Variants in FAM13B observed in about 807,000 individuals in gnomAD.
FAM13B encodes family with sequence similarity 13 member B.
FAM13B carries 60 observed loss-of-function variants against 117.3 expected under a neutral mutation model. That is an observed-to-expected ratio of 0.51 (90% CI 0.42 to 0.63). The LOEUF is 0.63. Among genes scored for constraint, FAM13B ranks in the 30% least tolerant of loss-of-function variants. The probability of loss-of-function intolerance (pLI) is 0.00; values close to 1 mark genes in which losing one functional copy is unlikely to be tolerated. For synonymous variants in FAM13B, 332 were observed against 356.1 expected, an observed-to-expected ratio of 0.93 and a Z score of 0.76; for missense variants, 972 against 1,091.9, an observed-to-expected ratio of 0.89 and a Z score of 1.55.
At chr5:138,003,681 C>A (rs1561517536) in intron 7 of FAM13B, among the ~76,000 whole-genome samples, 1 of 152,160 alleles carries the variant, frequency 6.6e-6, no homozygotes, top group Non-Finnish European at 1.5e-5. Flanking sequence ...CAGTTCCACG[C>A]TGGCCATGGG....
At chr5:137,966,021 C>T (rs1426618236) in intron 10 of FAM13B, among the ~76,000 whole-genome samples, 1 of 151,624 alleles carries the variant, frequency 6.6e-6, no homozygotes, top group Non-Finnish European at 1.5e-5. Flanking sequence ...CAACTTATAC[C>T]TATTCAAAAT....
intron 17 of FAM13B, among the ~76,000 whole-genome samples, chr5:137,951,209 CAAA>C (rs1158310740): frequency 4.8e-3 from 304 of 63,234 alleles, no homozygotes; most frequent in Middle Eastern, 0.018. Flanking sequence ...CTGTCTCAAA[CAAA>C]AAAAAAAAAA....
At chr5:137,955,723 C>CT (rs1379819957) in intron 14 of FAM13B, among the ~76,000 whole-genome samples, 1 of 152,118 alleles carries the variant, frequency 6.6e-6, no homozygotes, top group Non-Finnish European at 1.5e-5. Flanking sequence ...CCTCTGCCTC[C>CT]TGGGTTCAAG....
At chr5:137,943,352 T>C (rs879217690) in intron 20 of FAM13B, 136 bp from the exon 21 acceptor site, 14 of 654,662 alleles carry the variant, frequency 2.1e-5, no homozygotes, top group East Asian at 1.1e-4. Flanking sequence ...TTTTTAGGAA[T>C]TGCTTACATT....
chr5:137,958,881 G>A (rs1423278091), intron 13 of FAM13B, among the ~76,000 whole-genome samples: 1 of 151,860 alleles, frequency 6.6e-6, no homozygotes, highest in Non-Finnish European at 1.5e-5. Flanking sequence ...TTTTTTTCAT[G>A]GATTTCAGAG....
chr5:137,992,529 G>C (rs1303440481), intron 7 of FAM13B, among the ~76,000 whole-genome samples: 1 of 152,090 alleles, frequency 6.6e-6, no homozygotes, highest in South Asian at 2.1e-4. Context: ...GGGAGGAAGA[G>C]GTTGTGGTGA....
chr5:138,014,627 C>T (rs901834235), intron 4 of FAM13B, among the ~76,000 whole-genome samples: 3 of 152,208 alleles, frequency 2.0e-5, no homozygotes, highest in Admixed American at 2.0e-4. Flanking sequence ...GTTCAATAAA[C>T]ATTAGTTGAA....
chr5:137,953,220 C>T (rs543521267), intron 16 of FAM13B, 116 bp downstream of exon 16: 14 of 1,105,540 alleles, frequency 1.3e-5, no homozygotes, highest in South Asian at 4.8e-5. Context: ...ACTGTTCCTC[C>T]GGGTATCTCA....
At chr5:137,991,445 T>C (rs1778581369) in intron 7 of FAM13B, among the ~76,000 whole-genome samples, 1 of 152,256 alleles carries the variant, frequency 6.6e-6, no homozygotes, top group Non-Finnish European at 1.5e-5. Context: ...GGGAGCTCTC[T>C]TACAGCATCT....
At chr5:138,003,238 C>G (rs1283198728) in intron 7 of FAM13B, among the ~76,000 whole-genome samples, 1 of 151,636 alleles carries the variant, frequency 6.6e-6, no homozygotes, top group Non-Finnish European at 1.5e-5. Flanking sequence ...ATAAATTGAC[C>G]ACAGTCTAGA....
At chr5:137,988,640 T>A (rs1052549926) in intron 7 of FAM13B, among the ~76,000 whole-genome samples, 1 of 152,224 alleles carries the variant, frequency 6.6e-6, no homozygotes, top group South Asian at 2.1e-4. Context: ...GTTACAATTA[T>A]TTCCCCCTTT....
intron 20 of FAM13B, among the ~76,000 whole-genome samples, chr5:137,944,121 A>T (rs1185995956): frequency 6.6e-6 from 1 of 152,176 alleles, no homozygotes; most frequent in Non-Finnish European, 1.5e-5. Flanking sequence ...ATCATATAAT[A>T]TGTGCCCCTT....
At chr5:137,998,946 T>C (rs565885190) in intron 7 of FAM13B, among the ~76,000 whole-genome samples, 17 of 152,290 alleles carry the variant, frequency 1.1e-4, no homozygotes, top group Middle Eastern at 3.4e-3. Flanking sequence ...ACCAGAGCCA[T>C]ACCTAAAGTG....
At chr5:137,962,528 T>C (rs1169697890) in intron 10 of FAM13B, 59 bp from the exon 11 acceptor site, 34 of 1,493,068 alleles carry the variant, frequency 2.3e-5, no homozygotes, top group African/African-American at 2.8e-5. Flanking sequence ...ATAAGAGAAG[T>C]TGCCAATCTA....
chr5:137,960,070 A>T, intron 12 of FAM13B, 96 bp downstream of exon 12: 1 of 792,738 alleles, frequency 1.3e-6, no homozygotes, highest in Non-Finnish European at 2.1e-6. Flanking sequence ...ATTTATATTT[A>T]AATCTTTAAA....
intron 1 of FAM13B, among the ~76,000 whole-genome samples, chr5:138,023,562 A>G (rs917294890): frequency 6.6e-6 from 1 of 152,156 alleles, no homozygotes; most frequent in African/African-American, 2.4e-5. Flanking sequence ...AGAATGTCAC[A>G]TTCTGGCGCT....
upstream of FAM13B, among the ~76,000 whole-genome samples, chr5:138,035,300 C>T (rs1791051277): frequency 6.6e-6 from 1 of 151,914 alleles, no homozygotes; most frequent in South Asian, 2.1e-4. Flanking sequence ...CGTGAGCCAC[C>T]GTGCCCGGCC....
intron 1 of FAM13B, among the ~76,000 whole-genome samples, chr5:138,029,638 C>T (rs1220092077): frequency 6.6e-6 from 1 of 152,150 alleles, no homozygotes. Flanking sequence ...GTGTTTGCTC[C>T]AAATTAGGAC....
chr5:138,011,717 C>T, intron 5 of FAM13B, 51 bp downstream of exon 5: 1 of 1,410,400 alleles, frequency 7.1e-7, no homozygotes, highest in Non-Finnish European at 9.8e-7. Context: ...CGTGCCCGGC[C>T]TCACATATCT....
Sources: allele counts gnomAD v4.1 joint callset (sites outside exome capture counted in the v4.1 genomes callset), GRCh38; gene constraint gnomAD v4.1.1; transcripts MANE v1.5; gene names NCBI Gene and HGNC (gene_info 2026-07-23, HGNC 2026-07-21).